The following GRID2 variants were observed in gnomAD, a reference collection of about 807,000 sequenced individuals.
The protein encoded by GRID2 is glutamate ionotropic receptor delta type subunit 2, also known as glutamate receptor ionotropic, delta-2.
Under a neutral mutation model 114.8 loss-of-function variants are expected in GRID2, and 33 were observed. The observed-to-expected ratio is 0.29, with a 90% CI of 0.22 to 0.38. The LOEUF (loss-of-function observed/expected upper bound fraction) is 0.38, where lower values mean the gene tolerates loss of function less well. Among genes scored for constraint, GRID2 ranks in the 10% least tolerant of loss-of-function variants. The pLI is 1.00. For missense variants in GRID2, 1,184 were observed against 1,257.7 expected (o/e 0.94, Z 0.89); for synonymous variants, 505 against 449.9 (o/e 1.12, Z -1.55).
intron 1 of GRID2, among the ~76,000 whole-genome samples, chr4:92,530,735 TAAAAA>T (rs143078058): frequency 0.068 from 8,645 of 126,542 alleles, 825 homozygotes; most frequent in African/African-American, 0.23. Context: ...CCCCCTCTAC[TAAAAA>T]AAAAAAAAAA....
At chr4:92,773,716 C>T (rs1738646528) in intron 2 of GRID2, among the ~76,000 whole-genome samples, 1 of 151,800 alleles carries the variant, frequency 6.6e-6, no homozygotes, top group African/African-American at 2.4e-5. Flanking sequence ...TTTGTTTTAT[C>T]TATCTATTTT....
chr4:92,991,159 A>G (rs764057740), intron 2 of GRID2, among the ~76,000 whole-genome samples: 29 of 152,340 alleles, frequency 1.9e-4, no homozygotes, highest in Middle Eastern at 3.4e-3. Flanking sequence ...CCCAAGTCAC[A>G]CAGAGAATTG....
rs1447414357 is a variant in GRID2 at position 92,409,128 on chromosome 4, T to A, written c.88+104384T>A. On this transcript the variant is annotated intron_variant, in intron 1 of 15. Coordinates refer to ENST00000282020, the MANE Select transcript of GRID2 (RefSeq NM_001510.4). Reference sequence around the variant, plus strand: ...TTTCTCATATATGGCTCTTATTATTTTGAATTATGTTCCTTCGATGCCTAG... The same window carrying A: ...TTTCTCATATATGGCTCTTATTATTATGAATTATGTTCCTTCGATGCCTAG... Among the ~76,000 whole-genome samples the A allele has an allele frequency of 2.0e-5, 3 of 152,236 alleles. No homozygotes were observed. The East Asian group carries it at 5.8e-4, about 29-fold the overall frequency.
At chr4:92,950,799 T>C (rs1751980621) in intron 2 of GRID2, among the ~76,000 whole-genome samples, 1 of 152,192 alleles carries the variant, frequency 6.6e-6, no homozygotes, top group African/African-American at 2.4e-5. Flanking sequence ...ACTAGAAAAG[T>C]ATTGCCTTCC....
intron 9 of GRID2, among the ~76,000 whole-genome samples, chr4:93,397,199 C>CT (rs1469749665): frequency 6.6e-6 from 1 of 151,840 alleles, no homozygotes; most frequent in Non-Finnish European, 1.5e-5. Context: ...ACCTATTCTT[C>CT]TTTTTTTGTG....
At chr4:92,984,774 T>C (rs1423378121) in intron 2 of GRID2, among the ~76,000 whole-genome samples, 1 of 152,162 alleles carries the variant, frequency 6.6e-6, no homozygotes. Context: ...AACTTCTTTT[T>C]TTTTTTTTCC....
At chr4:92,926,456 T>C (rs1421499573) in intron 2 of GRID2, among the ~76,000 whole-genome samples, 1 of 151,980 alleles carries the variant, frequency 6.6e-6, no homozygotes, top group Non-Finnish European at 1.5e-5. Flanking sequence ...AATTATCTGT[T>C]GCTATAATAA....
chr4:92,744,551 T>C (rs888060287), intron 2 of GRID2, among the ~76,000 whole-genome samples: 1 of 151,704 alleles, frequency 6.6e-6, no homozygotes, highest in African/African-American at 2.4e-5. Flanking sequence ...GACTCCATCA[T>C]AAACCTTACT....
intron 2 of GRID2, among the ~76,000 whole-genome samples, chr4:92,634,244 G>A (rs1189180794): frequency 6.6e-6 from 1 of 152,086 alleles, no homozygotes; most frequent in African/African-American, 2.4e-5. Flanking sequence ...AAAGGACATA[G>A]GAGTCTTATG....
intron 8 of GRID2, among the ~76,000 whole-genome samples, chr4:93,324,706 A>G (rs1171830417): frequency 3.9e-5 from 6 of 152,122 alleles, no homozygotes; most frequent in African/African-American, 1.4e-4. Context: ...TATTGCCTCA[A>G]TTTCAGAGTC....
chr4:92,900,236 AG>A (rs1747469662), intron 2 of GRID2, among the ~76,000 whole-genome samples: 1 of 152,174 alleles, frequency 6.6e-6, no homozygotes. Context: ...GCAGGAAGCT[AG>A]GGGCAGAGAC....
intron 2 of GRID2, among the ~76,000 whole-genome samples, chr4:92,639,403 T>C (rs1731236309): frequency 1.3e-5 from 2 of 151,864 alleles, no homozygotes. Flanking sequence ...AATATTTCTA[T>C]GTTCTTGCTT....
intron 2 of GRID2, among the ~76,000 whole-genome samples, chr4:92,886,196 CACA>C (rs1371925444): frequency 6.6e-6 from 1 of 152,048 alleles, no homozygotes; most frequent in Non-Finnish European, 1.5e-5. Flanking sequence ...CCAGAACCAG[CACA>C]ACATTTATTA....
chr4:92,725,984 G>A (rs1317217346), intron 2 of GRID2, among the ~76,000 whole-genome samples: 1 of 152,010 alleles, frequency 6.6e-6, no homozygotes, highest in East Asian at 1.9e-4. Context: ...AAAGGCATAG[G>A]TGAAAATATT....
intron 13 of GRID2, among the ~76,000 whole-genome samples, chr4:93,579,176 G>A (rs1017500191): frequency 3.9e-5 from 6 of 151,968 alleles, no homozygotes; most frequent in Non-Finnish European, 8.8e-5. Context: ...AGTTTATTTT[G>A]TATGTGAACT....
At chr4:93,718,643 C>G (rs1477943980) in intron 14 of GRID2, among the ~76,000 whole-genome samples, 1 of 152,008 alleles carries the variant, frequency 6.6e-6, no homozygotes, top group Non-Finnish European at 1.5e-5. Flanking sequence ...TTGAATGAAA[C>G]TCTTGGCACA....
At chr4:92,446,163 T>A (rs1381009402) in intron 1 of GRID2, among the ~76,000 whole-genome samples, 1 of 152,148 alleles carries the variant, frequency 6.6e-6, no homozygotes, top group African/African-American at 2.4e-5. Flanking sequence ...GCCAGGATGA[T>A]CTCGAACTCC....
At chr4:93,572,049 T>C (rs1321684704) in intron 13 of GRID2, among the ~76,000 whole-genome samples, 1 of 152,164 alleles carries the variant, frequency 6.6e-6, no homozygotes. Flanking sequence ...TGATGGTTGC[T>C]GGTTGGCCTT....
chr4:93,277,231 A>G (rs560769343), intron 8 of GRID2, among the ~76,000 whole-genome samples: 6 of 151,972 alleles, frequency 3.9e-5, no homozygotes, highest in Non-Finnish European at 7.4e-5. Flanking sequence ...ATCTTTGAAA[A>G]TAGAATAACA....
Sources: allele counts gnomAD v4.1 joint callset (sites outside exome capture counted in the v4.1 genomes callset), GRCh38; gene constraint gnomAD v4.1.1; transcripts MANE v1.5; gene names NCBI Gene and HGNC (gene_info 2026-07-23, HGNC 2026-07-21).